ADAMTSL1: variants seen among roughly 807,000 people sequenced by gnomAD.
The protein encoded by ADAMTSL1 is ADAMTS-like protein 1.
Under a neutral mutation model 201.8 loss-of-function variants are expected in ADAMTSL1, and 126 were observed. The observed-to-expected ratio is 0.62, with a 90% CI of 0.54 to 0.72. The LOEUF (loss-of-function observed/expected upper bound fraction) is 0.72, where lower values mean the gene tolerates loss of function less well. Ranked by LOEUF, ADAMTSL1 falls within the 30% of genes least tolerant of loss-of-function variation. The probability of loss-of-function intolerance (pLI) is 0.00; values close to 1 mark genes in which losing one functional copy is unlikely to be tolerated. For synonymous variants in ADAMTSL1, 1,121 were observed against 903.4 expected, an observed-to-expected ratio of 1.24 and a Z score of -4.32; for missense variants, 2,679 against 2,277.8, an observed-to-expected ratio of 1.18 and a Z score of -3.59.
At chr9:18,409,074 A>AT (rs1447613030) in intron 2 of ADAMTSL1, among the ~76,000 whole-genome samples, 1 of 151,974 alleles carries the variant, frequency 6.6e-6, no homozygotes, top group Non-Finnish European at 1.5e-5. Context: ...CTGTGAATCT[A>AT]TTTTTCAAAT....
chr9:18,819,379 C>T (rs1824067493), intron 21 of ADAMTSL1, among the ~76,000 whole-genome samples: 1 of 151,438 alleles, frequency 6.6e-6, no homozygotes, highest in Non-Finnish European at 1.5e-5. Flanking sequence ...TCACTTGAAC[C>T]TAGGAAGCAG....
At chr9:18,260,634 T>A (rs1360978352) in intron 2 of ADAMTSL1, among the ~76,000 whole-genome samples, 2 of 152,174 alleles carry the variant, frequency 1.3e-5, no homozygotes, top group African/African-American at 2.4e-5. Context: ...CTTGGCATTG[T>A]TTCTGCTGCC....
Position 18,842,496 on chromosome 9 carries a change from G to GA in ADAMTSL1, c.4249+12526dup, listed in dbSNP as rs754477325. On this transcript the variant is annotated intron_variant, in intron 23 of 28. Transcript: ENST00000380548. ...TTTGGAATAGGTGTGGTGTGGTGCT[G>GA]AAAAAAATGTATACTCTGTTGATTT... is the stretch of plus-strand genomic sequence containing the variant. 2.0e-3 allele frequency among the ~76,000 whole-genome samples: 307 copies of GA among 152,232 alleles called. 1 individual carries two copies. Among genetic ancestry groups the GA allele is most frequent in the Non-Finnish European group, 3.4e-3 (231 of 68,004 alleles).
chr9:17,943,849 G>A lies in ADAMTSL1; in HGVS notation c.87+36927G>A, dbSNP rs1418329373. Among the ~76,000 whole-genome samples, 11 of 152,022 alleles carry A rather than the reference G, an allele frequency of 7.2e-5. No homozygotes were observed. The East Asian group carries it at 1.9e-3, about 27-fold the overall frequency. The stretch of plus-strand genomic sequence containing the variant: ...ACAGAAAGCATGGTGCAGCCATCTG[G>A]TTGGCTTCTGGGGAGGCCTCAGGAA... On this transcript the variant is annotated intron_variant, in intron 1 of 29. Transcript: ENST00000680146.
At chr9:18,445,429 C>T (rs1041082031) in intron 2 of ADAMTSL1, among the ~76,000 whole-genome samples, 3 of 152,120 alleles carry the variant, frequency 2.0e-5, no homozygotes, top group African/African-American at 7.2e-5. Flanking sequence ...AAATGATACC[C>T]TTGTGGTACA....
chr9:18,040,252 C>T (rs1042037912), intron 1 of ADAMTSL1, among the ~76,000 whole-genome samples: 1 of 152,158 alleles, frequency 6.6e-6, no homozygotes, highest in Non-Finnish European at 1.5e-5. Context: ...TTTTCCCCAA[C>T]CCTTTCTGGA....
intron 1 of ADAMTSL1, among the ~76,000 whole-genome samples, chr9:17,992,609 G>C (rs943303869): frequency 1.8e-4 from 28 of 152,058 alleles, no homozygotes; most frequent in African/African-American, 6.8e-4. Flanking sequence ...AAAGTAGTGA[G>C]AGCCTCCCCC....
chr9:18,606,686 T>A (rs1825037815), intron 4 of ADAMTSL1, among the ~76,000 whole-genome samples: 1 of 152,204 alleles, frequency 6.6e-6, no homozygotes, highest in African/African-American at 2.4e-5. Context: ...GAGTTTGTTT[T>A]ACAGGCTTCA....
Position 17,982,077 on chromosome 9 carries a change from T to C in ADAMTSL1, c.87+75155T>C, listed in dbSNP as rs75188669. 6.8e-3 allele frequency among the ~76,000 whole-genome samples: 1,031 copies of C among 152,312 alleles called. 14 individuals are homozygous for C. The highest frequency in any genetic ancestry group is 0.024 in the African/African-American group (982 of 41,572). Reference sequence around the variant, plus strand: ...ATAAATCACACTACTTGCTTAAACATTTTCCATATGGATAGTTCTCTTTTA... The same window carrying C: ...ATAAATCACACTACTTGCTTAAACACTTTCCATATGGATAGTTCTCTTTTA... On this transcript the variant is annotated intron_variant, in intron 1 of 29. Coordinates refer to the ADAMTSL1 transcript ENST00000680146.
At chr9:18,811,546 T>C (rs1823510195) in intron 20 of ADAMTSL1, among the ~76,000 whole-genome samples, 1 of 152,198 alleles carries the variant, frequency 6.6e-6, no homozygotes, top group South Asian at 2.1e-4. Flanking sequence ...GTGGAGAACT[T>C]GGACTTAACC....
At chr9:17,974,257 A>T (rs1479197003) in intron 1 of ADAMTSL1, among the ~76,000 whole-genome samples, 1 of 152,074 alleles carries the variant, frequency 6.6e-6, no homozygotes, top group African/African-American at 2.4e-5. Context: ...GCAATCAGGC[A>T]GGAAAAGGAA....
intron 2 of ADAMTSL1, among the ~76,000 whole-genome samples, chr9:18,345,981 C>T (rs912062873): frequency 1.3e-5 from 2 of 152,024 alleles, no homozygotes; most frequent in Non-Finnish European, 2.9e-5. Context: ...TGGTCCTGGC[C>T]CTCTCATGTT....
intron 2 of ADAMTSL1, among the ~76,000 whole-genome samples, chr9:18,368,823 T>A (rs913876889): frequency 1.3e-5 from 2 of 152,188 alleles, no homozygotes; most frequent in African/African-American, 4.8e-5. Flanking sequence ...ATTGTAGACA[T>A]CAAGTAATGA....
intron 1 of ADAMTSL1, among the ~76,000 whole-genome samples, chr9:18,011,640 A>G (rs1254907344): frequency 6.6e-6 from 1 of 152,046 alleles, no homozygotes; most frequent in Non-Finnish European, 1.5e-5. Context: ...TCAAATAGAG[A>G]ATATCACATG....
chr9:18,665,647 T>C (rs1829384190), intron 9 of ADAMTSL1, among the ~76,000 whole-genome samples: 1 of 152,062 alleles, frequency 6.6e-6, no homozygotes, highest in African/African-American at 2.4e-5. Flanking sequence ...CTCATTCTCT[T>C]TTCCTTTTGT....
At chr9:18,866,793 C>G (rs937194297) in intron 23 of ADAMTSL1, among the ~76,000 whole-genome samples, 2 of 152,214 alleles carry the variant, frequency 1.3e-5, no homozygotes, top group African/African-American at 4.8e-5. Context: ...AAGTAACGGT[C>G]CAGAGGAAGA....
intron 2 of ADAMTSL1, among the ~76,000 whole-genome samples, chr9:18,234,545 A>G (rs1487530863): frequency 1.3e-5 from 2 of 152,164 alleles, no homozygotes; most frequent in Admixed American, 6.5e-5. Flanking sequence ...CTATTAATAA[A>G]TGGTAATAAT....
At position 18,652,799 on chromosome 9, in the gene ADAMTSL1, C is replaced by G. The variant is rs751193273; in HGVS notation, c.835-4840C>G. Reference sequence around the variant, plus strand: ...ATTGTAAGTTGAGGAGCATCTGTAACCAATTCCTTTATCCGCTGGAGGCTG... The same window carrying G: ...ATTGTAAGTTGAGGAGCATCTGTAAGCAATTCCTTTATCCGCTGGAGGCTG... On this transcript the variant is annotated intron_variant, in intron 7 of 28. Coordinates refer to ENST00000380548, the MANE Select transcript of ADAMTSL1 (RefSeq NM_001040272.6). Among the ~76,000 whole-genome samples the G allele has an allele frequency of 1.2e-4, 18 of 152,276 alleles. No homozygotes were observed. The East Asian group carries it at 3.5e-3, about 29-fold the overall frequency.
At chr9:18,100,908 C>A (rs896339146) in intron 1 of ADAMTSL1, among the ~76,000 whole-genome samples, 1 of 152,178 alleles carries the variant, frequency 6.6e-6, no homozygotes, top group African/African-American at 2.4e-5. Flanking sequence ...TTTCAAATGT[C>A]CCCATTTGTT....
Sources: gnomAD v4.1 joint callset for allele counts (sites outside exome capture counted in the v4.1 genomes callset) on GRCh38, gnomAD v4.1.1 for gene constraint, MANE v1.5 for transcripts, NCBI Gene and HGNC (gene_info 2026-07-23, HGNC 2026-07-21) for gene names.